The following PHACTR4 variants were observed in gnomAD, a reference collection of about 807,000 sequenced individuals.
PHACTR4 encodes the protein protein phosphatase 1, regulatory subunit 124.
Under a neutral mutation model 72.7 loss-of-function variants are expected in PHACTR4, and 51 were observed. That is an observed-to-expected ratio of 0.70 (90% CI 0.56 to 0.89). The LOEUF (loss-of-function observed/expected upper bound fraction) is 0.89, where lower values mean the gene tolerates loss of function less well. PHACTR4 is among the 40% of genes least tolerant of loss of function. The pLI is 0.00. For missense variants in PHACTR4, 731 were observed against 861.8 expected (o/e 0.85, Z 1.90); for synonymous variants, 255 against 302.5 (o/e 0.84, Z 1.63).
intron 1 of PHACTR4, among the ~76,000 whole-genome samples, chr1:28,390,093 C>A (rs1200568121): frequency 6.6e-6 from 1 of 152,260 alleles, no homozygotes; most frequent in Middle Eastern, 3.4e-3. Flanking sequence ...GAGGATATTA[C>A]ATTAAGTGAA....
chr1:28,434,781 C>T (rs1457452838), intron 2 of PHACTR4, among the ~76,000 whole-genome samples: 1 of 152,102 alleles, frequency 6.6e-6, no homozygotes, highest in Non-Finnish European at 1.5e-5. Flanking sequence ...ATCCTCCTAC[C>T]TTCGCCTGTC....
chr1:28,381,919 C>T (rs1356044832), intron 1 of PHACTR4, among the ~76,000 whole-genome samples: 1 of 152,114 alleles, frequency 6.6e-6, no homozygotes, highest in African/African-American at 2.4e-5. Context: ...ATGACTACAC[C>T]ACCACGCCAG....
chr1:28,443,777 G>C (rs1274386341), intron 2 of PHACTR4, among the ~76,000 whole-genome samples: 1 of 152,056 alleles, frequency 6.6e-6, no homozygotes, highest in Non-Finnish European at 1.5e-5. Flanking sequence ...TGGCTAAATA[G>C]TATTCCATTT....
chr1:28,482,473 A>G (rs1037556490), intron 9 of PHACTR4, among the ~76,000 whole-genome samples: 3 of 152,204 alleles, frequency 2.0e-5, no homozygotes, highest in African/African-American at 4.8e-5. Flanking sequence ...AGCTTTCTGC[A>G]TATGTAACAG....
intron 2 of PHACTR4, among the ~76,000 whole-genome samples, chr1:28,448,740 C>T (rs372474922): frequency 0.064 from 6,980 of 108,568 alleles, 544 homozygotes; most frequent in African/African-American, 0.19. Context: ...CCAGCCTGGG[C>T]GACAGAGCGA....
intron 2 of PHACTR4, among the ~76,000 whole-genome samples, chr1:28,426,368 G>T: frequency 6.6e-6 from 1 of 151,086 alleles, no homozygotes. Flanking sequence ...ATGAAACGTG[G>T]AATTGGGAGG....
chr1:28,422,790 A>G (rs1655588639), intron 2 of PHACTR4: 1 of 152,146 alleles, frequency 6.6e-6, no homozygotes, highest in Admixed American at 6.6e-5. Flanking sequence ...GGTAAAAACT[A>G]GAGACTTCTT....
At chr1:28,383,691 A>C (rs1251322171) in intron 1 of PHACTR4, among the ~76,000 whole-genome samples, 1 of 152,062 alleles carries the variant, frequency 6.6e-6, no homozygotes, top group African/African-American at 2.4e-5. Flanking sequence ...GTGATTTTTC[A>C]CGTTGATTTT....
chr1:28,440,145 C>CA lies in PHACTR4; in HGVS notation c.17-18933dup, dbSNP rs908449644. On this transcript the variant is annotated intron_variant, in intron 2 of 13. Coordinates refer to ENST00000373839, the MANE Select transcript of PHACTR4 (RefSeq NM_001048183.3). ...TGAAACCCCGTCTCTACTAAAAATA[C>CA]AAAAAAATCAGCTGGGCGTGGTGGC... Among the ~76,000 whole-genome samples, 8 of 151,158 alleles carry CA rather than the reference C, an allele frequency of 5.3e-5. No homozygotes were observed. In the East Asian group the frequency reaches 6.0e-4, roughly 11 times the overall value.
At chr1:28,485,617 T>G (rs979120244) in intron 9 of PHACTR4, among the ~76,000 whole-genome samples, 3 of 145,428 alleles carry the variant, frequency 2.1e-5, no homozygotes, top group African/African-American at 7.7e-5. Flanking sequence ...TAATACTGTA[T>G]TGGCCAGGTG....
At chr1:28,438,541 C>A (rs1656785873) in intron 2 of PHACTR4, 2 of 1,145,930 alleles carry the variant, frequency 1.7e-6, no homozygotes, top group Non-Finnish European at 2.5e-6. Context: ...ATGATCCCAA[C>A]TTTGAAATGT....
intron 9 of PHACTR4, among the ~76,000 whole-genome samples, chr1:28,482,567 G>A (rs990414313): frequency 6.6e-6 from 1 of 152,108 alleles, no homozygotes; most frequent in East Asian, 1.9e-4. Context: ...GCTGGAACTC[G>A]TGGCACAGTT....
chr1:28,491,533 C>T, intron 11 of PHACTR4, 117 bp from the exon 12 acceptor site: 2 of 1,415,978 alleles, frequency 1.4e-6, no homozygotes, highest in Non-Finnish European at 2.0e-6. Context: ...TCAATAGTGT[C>T]TAAAGCTCCC....
At chr1:28,393,680 T>TGC (rs372547909) in intron 1 of PHACTR4, among the ~76,000 whole-genome samples, 30 of 151,268 alleles carry the variant, frequency 2.0e-4, no homozygotes, top group Non-Finnish European at 3.5e-4. Context: ...GTATTCCTTC[T>TGC]ACACACACAC....
chr1:28,436,181 A>T (rs771929617), intron 2 of PHACTR4, among the ~76,000 whole-genome samples: 7 of 152,212 alleles, frequency 4.6e-5, no homozygotes, highest in Non-Finnish European at 7.3e-5. Flanking sequence ...TTCAGATGCT[A>T]GAAATCTTTC....
rs548564632 is a variant in PHACTR4, at chr1:28,485,543, C to T, written c.1761-3627C>T. Among the ~76,000 whole-genome samples, 5 of 150,580 alleles carry T rather than the reference C, an allele frequency of 3.3e-5. No individual in the cohort carries two copies. In the Admixed American group the frequency reaches 3.3e-4, roughly 10 times the overall value. ...CAGAGGTTTCAGTGAGCCGGGATCC[C>T]GTGCCACTGCACTCCAGCCTGGGCA... On this transcript the variant is annotated intron_variant, in intron 9 of 13. Transcript: ENST00000373839.
At chr1:28,431,033 G>A (rs977981178) in intron 2 of PHACTR4, among the ~76,000 whole-genome samples, 3 of 151,050 alleles carry the variant, frequency 2.0e-5, no homozygotes, top group African/African-American at 7.3e-5. Flanking sequence ...AAAAAAATTA[G>A]CCAGGCGTGG....
intron 13 of PHACTR4, 127 bp downstream of exon 13, chr1:28,493,218 C>A: frequency 1.3e-6 from 1 of 792,160 alleles, no homozygotes; most frequent in Non-Finnish European, 2.1e-6. Context: ...AGACTGCATT[C>A]AAAGGGATGA....
chr1:28,435,698 A>T (rs185803940), intron 2 of PHACTR4, among the ~76,000 whole-genome samples: 1 of 152,244 alleles, frequency 6.6e-6, no homozygotes, highest in South Asian at 2.1e-4. Flanking sequence ...TCCAAAGCTC[A>T]TGCTCTTAAG....
Sources: allele counts gnomAD v4.1 joint callset (sites outside exome capture counted in the v4.1 genomes callset), GRCh38; gene constraint gnomAD v4.1.1; transcripts MANE v1.5; gene names NCBI Gene and HGNC (gene_info 2026-07-23, HGNC 2026-07-21).